The following RAPGEF6 variants were observed in gnomAD, a reference collection of about 807,000 sequenced individuals.
RAPGEF6 encodes PDZ domain containing guanine nucleotide exchange factor (GEF) 2.
In RAPGEF6, 56 loss-of-function variants were observed where a neutral mutation model predicts 171.4. That is an observed-to-expected ratio of 0.33 (90% CI 0.26 to 0.41). The LOEUF (loss-of-function observed/expected upper bound fraction) is 0.41. Among genes scored for constraint, RAPGEF6 ranks in the 10% least tolerant of loss-of-function variants. The pLI, the probability that RAPGEF6 is intolerant of heterozygous loss-of-function variation, is 1.00. For synonymous variants in RAPGEF6, 692 were observed against 650.1 expected (o/e 1.06, Z -0.98); for missense variants, 1,674 against 1,921.4 (o/e 0.87, Z 2.41).
intron 4 of RAPGEF6, among the ~76,000 whole-genome samples, chr5:131,576,313 G>A (rs1234851088): frequency 6.6e-6 from 1 of 152,150 alleles, no homozygotes; most frequent in East Asian, 1.9e-4. Context: ...TTCCTGCCCT[G>A]CCCGCTTCCA....
intron 1 of RAPGEF6, among the ~76,000 whole-genome samples, chr5:131,609,715 T>C (rs1764828990): frequency 6.6e-6 from 1 of 152,214 alleles, no homozygotes; most frequent in Non-Finnish European, 1.5e-5. Context: ...GAGCAACCAG[T>C]CATTTGATAA....
chr5:131,550,463 A>C (rs957588584), intron 5 of RAPGEF6, among the ~76,000 whole-genome samples: 15 of 152,150 alleles, frequency 9.9e-5, no homozygotes, highest in African/African-American at 3.6e-4. Flanking sequence ...AGATACACAA[A>C]ATTTCCTAAT....
intron 5 of RAPGEF6, 124 bp downstream of exon 5, chr5:131,561,854 G>T: frequency 2.8e-6 from 2 of 707,090 alleles, no homozygotes; most frequent in Non-Finnish European, 4.8e-6. Context: ...TAGTTCTGAT[G>T]CTACTTGATG....
intron 5 of RAPGEF6, among the ~76,000 whole-genome samples, chr5:131,560,050 T>A (rs899432361): frequency 2.0e-5 from 3 of 152,160 alleles, no homozygotes; most frequent in African/African-American, 7.2e-5. Context: ...CTATTTTGGA[T>A]TGTTTTCTCC....
At chr5:131,598,090 G>T (rs200737123) in intron 3 of RAPGEF6, among the ~76,000 whole-genome samples, 2 of 152,096 alleles carry the variant, frequency 1.3e-5, no homozygotes, top group East Asian at 3.9e-4. Flanking sequence ...TATTTATTAC[G>T]TTCAAGAAAA....
At chr5:131,534,317 C>T (rs1485698339) in intron 6 of RAPGEF6, among the ~76,000 whole-genome samples, 1 of 152,072 alleles carries the variant, frequency 6.6e-6, no homozygotes, top group South Asian at 2.1e-4. Context: ...CTGAACAACA[C>T]TATGCTGCCA....
At chr5:131,616,503 A>G (rs147833175) in intron 1 of RAPGEF6, among the ~76,000 whole-genome samples, 3 of 152,322 alleles carry the variant, frequency 2.0e-5, no homozygotes, top group South Asian at 2.1e-4. Flanking sequence ...CTGTCCTTCT[A>G]CAGGTGTTTA....
intron 4 of RAPGEF6, among the ~76,000 whole-genome samples, chr5:131,586,504 A>C (rs1763265512): frequency 6.6e-6 from 1 of 152,120 alleles, no homozygotes; most frequent in African/African-American, 2.4e-5. Flanking sequence ...GGTGTCACGC[A>C]CCTGTGGTCC....
intron 3 of RAPGEF6, among the ~76,000 whole-genome samples, chr5:131,598,643 C>T (rs1010697754): frequency 2.0e-4 from 30 of 152,136 alleles, no homozygotes; most frequent in South Asian, 4.1e-4. Context: ...CATGATAAAA[C>T]ATCTTAAAAG....
At chr5:131,605,172 C>G (rs1272108081) in intron 1 of RAPGEF6, among the ~76,000 whole-genome samples, 1 of 152,138 alleles carries the variant, frequency 6.6e-6, no homozygotes, top group East Asian at 1.9e-4. Flanking sequence ...TCCAATGGTA[C>G]AATCCTATTG....
intron 19 of RAPGEF6, among the ~76,000 whole-genome samples, chr5:131,458,810 TA>T (rs1451597584): frequency 3.3e-5 from 5 of 152,078 alleles, no homozygotes. Context: ...TGTGCCACCA[TA>T]CCTGGCTAAT....
At chr5:131,626,221 C>G (rs2150039308) in intron 1 of RAPGEF6, among the ~76,000 whole-genome samples, 1 of 152,246 alleles carries the variant, frequency 6.6e-6, no homozygotes, top group Admixed American at 6.5e-5. Flanking sequence ...CATCCCCTCC[C>G]AAAGAACCTT....
chr5:131,580,397 G>C (rs1762880957), intron 4 of RAPGEF6, among the ~76,000 whole-genome samples: 1 of 152,092 alleles, frequency 6.6e-6, no homozygotes, highest in Non-Finnish European at 1.5e-5. Context: ...CGCAGCCCCT[G>C]TTCCTGCCCA....
intron 1 of RAPGEF6, among the ~76,000 whole-genome samples, chr5:131,605,549 C>T (rs2150017376): frequency 6.6e-6 from 1 of 152,192 alleles, no homozygotes; most frequent in Non-Finnish European, 1.5e-5. Context: ...CTATAAAAAA[C>T]ATACTTCCTA....
In RAPGEF6 at chr5:131,425,682, C is replaced by T. The variant is rs1751360846; in HGVS notation, c.*1584G>A. 6.6e-6 allele frequency: 1 copy of T among 152,230 alleles called. No homozygotes were observed. The highest frequency in any genetic ancestry group is 2.4e-5 in the African/African-American group (1 of 41,386). 9.4% of individuals were successfully genotyped at this position (152,230 alleles called of 1,614,324 possible). ...GGGAAAGATGAACTACTACCATTTA[C>T]CACTTACAACTGATTCATGATTTTA... On this transcript the variant is annotated 3_prime_UTR_variant, in exon 28 of 28. Transcript: ENST00000509018.
chr5:131,440,951 G>T (rs1042511654), intron 23 of RAPGEF6, among the ~76,000 whole-genome samples: 5 of 152,102 alleles, frequency 3.3e-5, no homozygotes, highest in African/African-American at 1.2e-4. Flanking sequence ...GCAACTTCCA[G>T]TTAACTGTTA....
chr5:131,475,280 T>C (rs1755022698), intron 16 of RAPGEF6, among the ~76,000 whole-genome samples: 1 of 152,204 alleles, frequency 6.6e-6, no homozygotes, highest in Admixed American at 6.5e-5. Context: ...CAAGTAATTG[T>C]ATCATTCTTA....
chr5:131,462,999 T>G (rs1399724079), intron 18 of RAPGEF6, among the ~76,000 whole-genome samples: 3 of 152,214 alleles, frequency 2.0e-5, no homozygotes, highest in African/African-American at 4.8e-5. Context: ...AGTAACTCAT[T>G]TAATCCTTAC....
At chr5:131,573,314 C>G (rs1435206388) in intron 4 of RAPGEF6, among the ~76,000 whole-genome samples, 1 of 152,166 alleles carries the variant, frequency 6.6e-6, no homozygotes, top group Non-Finnish European at 1.5e-5. Flanking sequence ...GTGGCTGGAG[C>G]TGAAGGCATA....
Sources: gnomAD v4.1 joint callset for allele counts (sites outside exome capture counted in the v4.1 genomes callset) on GRCh38, gnomAD v4.1.1 for gene constraint, MANE v1.5 for transcripts, NCBI Gene and HGNC (gene_info 2026-07-23, HGNC 2026-07-21) for gene names.